The following IL1RAPL1 variants were observed in gnomAD, a reference collection of about 807,000 sequenced individuals.
IL1RAPL1 encodes the protein interleukin 1 receptor accessory protein like 1, also known as interleukin-1 receptor accessory protein-like 1.
A neutral mutation model predicts 48.4 loss-of-function variants in IL1RAPL1; 3 were observed. That is an observed-to-expected ratio of 0.06 (90% CI 0.03 to 0.16). The LOEUF is 0.16. Ranked by LOEUF, IL1RAPL1 falls within the 10% of genes least tolerant of loss-of-function variation. The pLI, the probability that IL1RAPL1 is intolerant of heterozygous loss-of-function variation, is 1.00. For synonymous variants in IL1RAPL1, 185 were observed against 187.7 expected (o/e 0.99, Z 0.12); for missense variants, 349 against 530.6 (o/e 0.66, Z 3.36).
At chrX:29,753,999 C>G (rs1928552951) in intron 6 of IL1RAPL1, among the ~76,000 whole-genome samples, 1 of 111,792 alleles carries the variant, frequency 8.9e-6, no homozygotes, top group African/African-American at 3.2e-5. Context: ...AACTTTTTCT[C>G]TATTCATTTG....
chrX:28,703,641 A>G (rs752116705), intron 1 of IL1RAPL1, among the ~76,000 whole-genome samples: 6 of 111,403 alleles, frequency 5.4e-5, no homozygotes, highest in Non-Finnish European at 1.1e-4. Flanking sequence ...AAATCTCACA[A>G]TCATTGCTAA....
chrX:29,794,491 T>C lies in IL1RAPL1; in HGVS notation c.779-122973T>C, dbSNP rs192438196. 3.7e-3 allele frequency among the ~76,000 whole-genome samples: 401 copies of C among 107,475 alleles called. 3 individuals carry two copies. The highest frequency in any genetic ancestry group is 0.014 in the African/African-American group (381 of 26,513). 93.3% of individuals were successfully genotyped at this position (107,475 alleles called of 115,157 possible). Reference sequence around the variant, plus strand: ...TTTTCTCCATAATCTTGCTACCAGGTGGTATGCTAAAATTAAAGCAAGCCT... The same window carrying C: ...TTTTCTCCATAATCTTGCTACCAGGCGGTATGCTAAAATTAAAGCAAGCCT... On this transcript the variant is annotated intron_variant, in intron 6 of 10. Transcript: ENST00000378993.
At chrX:29,199,023 G>A (rs760336215) in intron 2 of IL1RAPL1, among the ~76,000 whole-genome samples, 30 of 111,653 alleles carry the variant, frequency 2.7e-4, no homozygotes, top group African/African-American at 9.8e-4. Context: ...TTACAAAAAT[G>A]GGGAACTAAT....
chrX:28,637,735 G>A (rs1934482551), intron 1 of IL1RAPL1, among the ~76,000 whole-genome samples: 1 of 112,263 alleles, frequency 8.9e-6, no homozygotes. Context: ...AAAACATTGT[G>A]TTTGCGTCCT....
chrX:28,710,748 T>G (rs1013194382), intron 1 of IL1RAPL1, among the ~76,000 whole-genome samples: 5 of 112,304 alleles, frequency 4.5e-5, no homozygotes, highest in Admixed American at 9.5e-5. Flanking sequence ...ATATCATCAT[T>G]TTAACATGTA....
intron 5 of IL1RAPL1, among the ~76,000 whole-genome samples, chrX:29,597,216 C>T (rs1410300531): frequency 9.9e-6 from 1 of 100,940 alleles, no homozygotes; most frequent in African/African-American, 3.8e-5. Flanking sequence ...TGCAATGGCG[C>T]GATATCGGCT....
At chrX:29,011,870 A>G (rs1926130356) in intron 2 of IL1RAPL1, among the ~76,000 whole-genome samples, 1 of 112,753 alleles carries the variant, frequency 8.9e-6, no homozygotes. Context: ...TGGATGTTGT[A>G]TTATTGCATG....
rs747440318 is a variant in IL1RAPL1 at position 29,239,387 on chromosome X, C to T, written c.83-43551C>T. 3.6e-5 allele frequency among the ~76,000 whole-genome samples: 4 copies of T among 112,277 alleles called. No individual in the cohort carries two copies. In the South Asian group the frequency reaches 1.5e-3, roughly 41 times the overall value. Reference sequence around the variant, plus strand: ...AATGGAGATCTTTTTGAATATCATACCACATTCAATTTCCAGTTAATCAAA... The same window carrying T: ...AATGGAGATCTTTTTGAATATCATATCACATTCAATTTCCAGTTAATCAAA... On this transcript the variant is annotated intron_variant, in intron 2 of 10. Coordinates refer to ENST00000378993, the MANE Select transcript of IL1RAPL1 (RefSeq NM_014271.4).
At chrX:28,621,886 C>T (rs1343418950) in intron 1 of IL1RAPL1, among the ~76,000 whole-genome samples, 1 of 111,460 alleles carries the variant, frequency 9.0e-6, no homozygotes, top group Non-Finnish European at 1.9e-5. Context: ...GAAAACACAG[C>T]ATCAGTATTA....
intron 2 of IL1RAPL1, among the ~76,000 whole-genome samples, chrX:29,230,523 A>AAAAAAAAAAAAAACAAC (rs1931179968): frequency 1.1e-5 from 1 of 93,339 alleles, no homozygotes; most frequent in African/African-American, 4.2e-5. Context: ...AAAAAAAAAA[A>AAAAAAAAAAAAAACAAC]AAAAAAAAAA....
At chrX:29,395,548 A>G (rs1453917139) in intron 3 of IL1RAPL1, among the ~76,000 whole-genome samples, 2 of 111,762 alleles carry the variant, frequency 1.8e-5, no homozygotes, top group Non-Finnish European at 3.8e-5. Context: ...GAAAAAAGAG[A>G]TGCTTATTTA....
At chrX:28,714,890 A>G (rs974874726) in intron 1 of IL1RAPL1, among the ~76,000 whole-genome samples, 2 of 111,948 alleles carry the variant, frequency 1.8e-5, no homozygotes, top group East Asian at 5.6e-4. Flanking sequence ...ACATTAGATC[A>G]TATTAAAATC....
At chrX:29,745,431 GTTTTTTTTTTT>G (rs752527354) in intron 6 of IL1RAPL1, among the ~76,000 whole-genome samples, 10 of 24,740 alleles carry the variant, frequency 4.0e-4, no homozygotes, top group African/African-American at 9.0e-4. Context: ...AGTTTTTTGT[GTTTTTTTTTTT>G]TTTTTTTTTT....
chrX:29,900,207 C>A (rs1006479682), intron 6 of IL1RAPL1, among the ~76,000 whole-genome samples: 1 of 112,227 alleles, frequency 8.9e-6, no homozygotes, highest in East Asian at 2.8e-4. Context: ...AGTGAGTTCA[C>A]TGTTACATCT....
intron 1 of IL1RAPL1, among the ~76,000 whole-genome samples, chrX:28,660,084 A>ACGG (rs1934800953): frequency 1.5e-5 from 1 of 67,473 alleles, no homozygotes; most frequent in East Asian, 7.2e-4. Flanking sequence ...CAGAGTGAGG[A>ACGG]TGGTGTGTGT....
At chrX:28,724,350 G>A (rs189217674) in intron 1 of IL1RAPL1, among the ~76,000 whole-genome samples, 58 of 111,371 alleles carry the variant, frequency 5.2e-4, no homozygotes, top group Non-Finnish European at 7.7e-4. Context: ...ATTATGTAAT[G>A]GCCTTCTTTG....
At chrX:29,013,291 A>G (rs1480164813) in intron 2 of IL1RAPL1, among the ~76,000 whole-genome samples, 2 of 111,785 alleles carry the variant, frequency 1.8e-5, no homozygotes, top group African/African-American at 6.5e-5. Flanking sequence ...TTCAACCACT[A>G]TGGAAGACAG....
At chrX:28,689,995 C>G (rs1024264196) in intron 1 of IL1RAPL1, among the ~76,000 whole-genome samples, 1 of 112,007 alleles carries the variant, frequency 8.9e-6, no homozygotes, top group Non-Finnish European at 1.9e-5. Context: ...GAGGTCCTTT[C>G]CCTTCCCTTT....
At chrX:28,723,481 TC>T (rs763577997) in intron 1 of IL1RAPL1, among the ~76,000 whole-genome samples, 1 of 111,682 alleles carries the variant, frequency 9.0e-6, no homozygotes, top group Non-Finnish European at 1.9e-5. Flanking sequence ...GATTCTTCTC[TC>T]TTTTCTTCTT....
Sources: allele counts gnomAD v4.1 joint callset (sites outside exome capture counted in the v4.1 genomes callset), GRCh38; gene constraint gnomAD v4.1.1; transcripts MANE v1.5; gene names NCBI Gene and HGNC (gene_info 2026-07-23, HGNC 2026-07-21).